Variants in ECI1 observed in about 807,000 individuals in gnomAD.
The protein encoded by ECI1 is enoyl-CoA delta isomerase 1.
In ECI1, 34 loss-of-function variants were observed where a neutral mutation model predicts 34.2. The observed-to-expected ratio is 1.00, with a 90% confidence interval of 0.76 to 1.33. The LOEUF (loss-of-function observed/expected upper bound fraction) is 1.33. Ranked by LOEUF, ECI1 falls within the 40% of genes most tolerant of loss-of-function variation. ECI1 has a pLI of 0.00. For synonymous variants in ECI1, 211 were observed against 193.0 expected (o/e 1.09, Z -0.77); for missense variants, 456 against 422.2 (o/e 1.08, Z -0.70).
chr16:2,243,594 C>T (rs1015456587), intron 4 of ECI1, among the ~76,000 whole-genome samples, 155 bp from the exon 5 acceptor site: 1 of 152,152 alleles, frequency 6.6e-6, no homozygotes. Flanking sequence ...TGGGTGTGCA[C>T]TGGGAAATGG....
Position 2,239,755 on chromosome 16 carries a change from CA to C in ECI1, c.*223del. The C allele has an allele frequency of 1.7e-6, 1 of 578,682 alleles. No individual in the cohort carries two copies. The highest frequency in any genetic ancestry group is 2.0e-5 in the South Asian group (1 of 51,136). The allele number at this position is 578,682 out of a possible 1,614,324, so 35.8% of individuals were successfully genotyped here. On this transcript the variant is annotated 3_prime_UTR_variant, in exon 7 of 7. Coordinates refer to ENST00000301729, the MANE Select transcript of ECI1 (RefSeq NM_001919.4). The stretch of plus-strand genomic sequence containing the variant: ...TCCCCTGCCAGTCACAATCCCAAGT[CA>C]AAAGGCTGCCCTCCAACTCCCCTTG...
In ECI1 at chr16:2,249,508, G is replaced by A. The variant is rs150154859; in HGVS notation, c.166+1808C>T. Among the ~76,000 whole-genome samples the A allele has an allele frequency of 3.2e-4, 48 of 151,942 alleles. No homozygotes were observed. In the East Asian group the frequency reaches 7.5e-3, roughly 24 times the overall value. ...GTACACACACACACACATTACCTCC[G>A]GTAAAAAAGGAAAAGTGTTCGTACA... is the stretch of plus-strand genomic sequence containing the variant. On this transcript the variant is annotated intron_variant, in intron 2 of 6. Transcript: ENST00000301729.
chr16:2,251,328 C>G lies in ECI1; in HGVS notation c.154G>C (p.Asp52His). 8.1e-7 allele frequency: 1 copy of G among 1,231,548 alleles called. No homozygotes were observed. The highest frequency in any genetic ancestry group is 3.7e-5 in the Admixed American group (1 of 27,138). The allele number at this position is 1,231,548 out of a possible 1,614,324, so 76.3% of individuals were successfully genotyped here. ...FGSQRVLVEP[D>H]AGAGVAVMKF... Reference sequence around the variant, plus strand: ...GCCGCCCGCTCACCTGCGCCCGCGTCCGGCTCCACCAGCACCCGCTGGCTC... The same window carrying G: ...GCCGCCCGCTCACCTGCGCCCGCGTGCGGCTCCACCAGCACCCGCTGGCTC... The change falls in exon 2 of 7, where the codon GAC becomes CAC. Residue 52 changes from aspartate to histidine, a missense_variant. Asp to His is a moderately conservative substitution (Grantham distance 81). Transcript: ENST00000301729.
intron 2 of ECI1, among the ~76,000 whole-genome samples, chr16:2,249,281 C>A (rs1049557455): frequency 2.6e-5 from 4 of 151,726 alleles, no homozygotes; most frequent in African/African-American, 9.7e-5. Flanking sequence ...AATCTCCTGA[C>A]CTCGTGATCC....
Position 2,244,433 on chromosome 16 carries a change from G to A in ECI1, c.414C>T (p.Ser138=). ...VQELWLRLYQ[S]NLVLVSAING... ...TGATGGCGGAGACCAGCACCAGGTTGGACTGGTACAACCGCAGCCACAGCT... is the reference window on the plus strand; with the variant it reads ...TGATGGCGGAGACCAGCACCAGGTTAGACTGGTACAACCGCAGCCACAGCT... Residue 138 remains serine, a synonymous_variant, in exon 4 of 7, where the codon TCC becomes TCT. Coordinates refer to ENST00000301729, the MANE Select transcript of ECI1 (RefSeq NM_001919.4). 2 of 1,612,418 alleles carry A rather than the reference G, an allele frequency of 1.2e-6. No individual in the cohort carries two copies. Among genetic ancestry groups the A allele is most frequent in the South Asian group, 2.2e-5 (2 of 90,862 alleles).
intron 6 of ECI1, among the ~76,000 whole-genome samples, chr16:2,241,359 G>A (rs1174217595): frequency 2.6e-5 from 4 of 152,012 alleles, no homozygotes; most frequent in African/African-American, 9.7e-5. Flanking sequence ...GCAGTAGCAT[G>A]ATCTTGGCTC....
Position 2,251,571 on chromosome 16 carries a change from A to AC in ECI1, c.-6dup. The AC allele has an allele frequency of 6.4e-7, 1 of 1,554,448 alleles. No homozygotes were observed. The highest frequency in any genetic ancestry group is 8.7e-7 in the Non-Finnish European group (1 of 1,149,806). Reference sequence around the variant, plus strand: ...CACAGAAGCCACCAGCGCCATCTTGACCGCAACGCGCGGGATAAAGGTCGC... The same window carrying AC: ...CACAGAAGCCACCAGCGCCATCTTGACCCGCAACGCGCGGGATAAAGGTCGC... On this transcript the variant is annotated 5_prime_UTR_variant, in exon 1 of 7. Transcript: ENST00000301729.
At chr16:2,250,973 A>G (rs530167615) in intron 2 of ECI1, among the ~76,000 whole-genome samples, 1 of 152,130 alleles carries the variant, frequency 6.6e-6, no homozygotes, top group African/African-American at 2.4e-5. Context: ...CACCACGCCC[A>G]GCTAATTTTT....
intron 2 of ECI1, among the ~76,000 whole-genome samples, chr16:2,250,302 G>T (rs997066795): frequency 1.3e-5 from 2 of 149,960 alleles, no homozygotes; most frequent in African/African-American, 2.5e-5. Context: ...TTTGAAGTTG[G>T]TCTTAGTTTG....
intron 3 of ECI1, among the ~76,000 whole-genome samples, chr16:2,246,141 T>C (rs1163406282): frequency 6.6e-6 from 1 of 152,176 alleles, no homozygotes; most frequent in Non-Finnish European, 1.5e-5. Context: ...CTCCTGGGCC[T>C]GACACTGCTT....
chr16:2,243,258 C>T (rs1166915177), intron 5 of ECI1, 34 bp from the exon 6 acceptor site: 2 of 1,613,012 alleles, frequency 1.2e-6, no homozygotes, highest in Non-Finnish European at 1.7e-6. Flanking sequence ...CCACATGGCC[C>T]CAGGCGGGTC....
In ECI1 at chr16:2,251,534, C is replaced by T; in HGVS notation, c.33G>A (p.Ala11=). 1 of 1,560,278 alleles carries T rather than the reference C, an allele frequency of 6.4e-7. No homozygotes were observed. Among genetic ancestry groups the T allele is most frequent in the Non-Finnish European group, 8.7e-7 (1 of 1,153,488 alleles). MALVASVRVP[A]RVLLRAGARL... ...TCGCACCCGCGCGGAGCAGAACGCG[C>T]GCCGGGACTCGCACAGAAGCCACCA... The change falls in exon 1 of 7, where the codon GCG becomes GCA. Residue 11 remains alanine, a synonymous_variant. Coordinates refer to ENST00000301729, the MANE Select transcript of ECI1 (RefSeq NM_001919.4).
In ECI1 at chr16:2,251,410, C is replaced by A; in HGVS notation, c.72G>T (p.Ala24=). The change falls in exon 2 of 7, where the codon GCG becomes GCT. Residue 24 remains alanine (A), a synonymous_variant. Coordinates refer to ENST00000301729, the MANE Select transcript of ECI1 (RefSeq NM_001919.4). The part of the protein sequence containing the change: ...LLRAGARLPG[A]ALGRTERAAG... ...CCGCCCGCTCCGTCCGCCCGAGGGC[C>A]GCGCCCGGGAGCCGGGCCCCTGCGA... is the stretch of plus-strand genomic sequence containing the variant. 1 of 1,356,916 alleles carries A rather than the reference C, an allele frequency of 7.4e-7. No homozygotes were observed. Among genetic ancestry groups the A allele is most frequent in the Non-Finnish European group, 9.5e-7 (1 of 1,053,048 alleles). 84.1% of individuals were successfully genotyped at this position (1,356,916 alleles called of 1,614,324 possible). A position where few individuals can be genotyped will look rare whatever the true frequency, so the allele number is the denominator to read the frequency against.
rs1315827725 is a variant in ECI1, at chr16:2,245,045, G to C, written c.295-493C>G. On this transcript the variant is annotated intron_variant, in intron 3 of 6. Coordinates refer to ENST00000301729, the MANE Select transcript of ECI1 (RefSeq NM_001919.4). ...CTCAGCAGCTACCAAGGAAGGGCGA[G>C]GGGTGAGCACAGGTGGAAGGGACCC... is the stretch of plus-strand genomic sequence containing the variant. Among the ~76,000 whole-genome samples, 11 of 152,292 alleles carry C rather than the reference G, an allele frequency of 7.2e-5. No individual in the cohort carries two copies. The East Asian group carries it at 2.1e-3, about 29-fold the overall frequency.
chr16:2,251,525 C>T lies in ECI1; in HGVS notation c.42G>A (p.Leu14=), dbSNP rs1188456516. The T allele has an allele frequency of 6.4e-7, 1 of 1,560,634 alleles. No individual in the cohort carries two copies. The highest frequency in any genetic ancestry group is 8.7e-7 in the Non-Finnish European group (1 of 1,153,792). ...CCCCGGGTTTCGCACCCGCGCGGAG[C>T]AGAACGCGCGCCGGGACTCGCACAG... ...VASVRVPARV[L]LRAGARLPGA... The change falls in exon 1 of 7, where the codon CTG becomes CTA. Residue 14 remains leucine, a synonymous_variant. Coordinates refer to ENST00000301729, the MANE Select transcript of ECI1 (RefSeq NM_001919.4).
At chr16:2,249,174 T>C (rs1027005506) in intron 2 of ECI1, among the ~76,000 whole-genome samples, 1 of 152,088 alleles carries the variant, frequency 6.6e-6, no homozygotes, top group African/African-American at 2.4e-5. Flanking sequence ...GCCTCCCAAG[T>C]AGCTGGGACT....
intron 6 of ECI1, among the ~76,000 whole-genome samples, chr16:2,241,431 G>A (rs530243156): frequency 6.6e-6 from 1 of 151,676 alleles, no homozygotes; most frequent in African/African-American, 2.4e-5. Flanking sequence ...CAAGTAGCTG[G>A]GATTACAGGT....
In ECI1 at chr16:2,244,396, G is replaced by T; in HGVS notation, c.441+10C>A. On this transcript the variant is annotated intron_variant, in intron 4 of 6. Transcript: ENST00000301729. ...AGCCAGCGAGGCCACCTGGGAGTGG[G>T]GACACTCACGTTGATGGCGGAGACC... is the stretch of plus-strand genomic sequence containing the variant. 1 of 1,611,530 alleles carries T rather than the reference G, an allele frequency of 6.2e-7. No individual in the cohort carries two copies. The highest frequency in any genetic ancestry group is 1.1e-5 in the South Asian group (1 of 90,590).
rs1200049766 is a variant in ECI1 at position 2,243,405 on chromosome 16, AG to A, written c.475del (p.Leu159Ter). The A allele has an allele frequency of 1.9e-6, 3 of 1,613,358 alleles. No individual in the cohort carries two copies. The highest frequency in any genetic ancestry group is 2.5e-6 in the Non-Finnish European group (3 of 1,179,980). On this transcript the variant is annotated frameshift_variant, in exon 5 of 7. Transcript: ENST00000301729. LOFTEE classifies it high-confidence loss of function. ...CGCCAGGATGCGGTAGTCACAGGTC[AG>A]GGCCACCAGGCAGCCTCCAGCGGGG... is the stretch of plus-strand genomic sequence containing the variant. ...ACPAGGCLVA[L>X]TCDYRILADN...
Sources: allele counts gnomAD v4.1 joint callset (sites outside exome capture counted in the v4.1 genomes callset), GRCh38; gene constraint gnomAD v4.1.1; transcripts MANE v1.5; gene names NCBI Gene and HGNC (gene_info 2026-07-23, HGNC 2026-07-21).